SH3KBP1: variants seen among roughly 807,000 people sequenced by gnomAD.
SH3KBP1 encodes SH3 domain-containing kinase-binding protein 1.
A neutral mutation model predicts 50.1 loss-of-function variants in SH3KBP1; 8 were observed. The observed-to-expected ratio is 0.16, with a 90% CI of 0.09 to 0.29. The LOEUF is 0.29. SH3KBP1 is among the 10% of genes least tolerant of loss of function. SH3KBP1 has a pLI of 1.00. For missense variants in SH3KBP1, 377 were observed against 535.2 expected, an observed-to-expected ratio of 0.70 and a Z score of 2.92; for synonymous variants, 227 against 218.6, an observed-to-expected ratio of 1.04 and a Z score of -0.34.
At chrX:19,827,781 C>CTTTTTTTTTT (rs138898288) in intron 2 of SH3KBP1, among the ~76,000 whole-genome samples, 1 of 36,224 alleles carries the variant, frequency 2.8e-5, no homozygotes, top group Non-Finnish European at 5.0e-5. Flanking sequence ...GAAGTGCAGT[C>CTTTTTTTTTT]TTTTTTTTTT....
At chrX:19,695,847 G>C (rs919579004) in intron 4 of SH3KBP1, 106 bp from the exon 5 acceptor site, 52 of 722,810 alleles carry the variant, frequency 7.2e-5, no homozygotes, top group Non-Finnish European at 1.0e-4. Flanking sequence ...AGCCCACACA[G>C]GGAGACTGAA....
intron 2 of SH3KBP1, among the ~76,000 whole-genome samples, chrX:19,817,650 T>C (rs12010807): frequency 0.029 from 3,252 of 111,878 alleles, 119 homozygotes; most frequent in African/African-American, 0.1. Flanking sequence ...TGTTTTTGTT[T>C]TTTTGAGACA....
intron 6 of SH3KBP1, among the ~76,000 whole-genome samples, chrX:19,673,808 C>T (rs1602959006): frequency 9.0e-6 from 1 of 111,291 alleles, no homozygotes; most frequent in Non-Finnish European, 1.9e-5. Context: ...GGAAGAGGCA[C>T]CACCTCCCCT....
At chrX:19,599,876 G>A (rs745995029) in intron 9 of SH3KBP1, among the ~76,000 whole-genome samples, 8 of 110,884 alleles carry the variant, frequency 7.2e-5, no homozygotes, top group African/African-American at 1.3e-4. Context: ...CGCCAGGCGC[G>A]GTGGCTCACG....
chrX:19,562,493 T>C (rs747965801), intron 13 of SH3KBP1, among the ~76,000 whole-genome samples: 1 of 111,749 alleles, frequency 8.9e-6, no homozygotes, highest in East Asian at 2.8e-4. Flanking sequence ...AGTCTCTTTG[T>C]TCTATGAGAC....
Position 19,542,110 on chromosome X carries a change from C to T in SH3KBP1, c.1707G>A (p.Ala569=), listed in dbSNP as rs746570736. ...GGGGPAPLSS[A]APSPLSSSLG... ...AAGAGGATGACAGGGGGGAGGGCGC[C>T]GCTGAGGACAGAGGGGCTGGCCCAC... The change falls in exon 16 of 18, where the codon GCG becomes GCA. Residue 569 remains alanine (A), a synonymous_variant. Transcript: ENST00000397821. 1.7e-5 allele frequency: 21 copies of T among 1,208,379 alleles called. No homozygotes were observed. The highest frequency in any genetic ancestry group is 4.4e-5 in the Admixed American group (2 of 45,659).
At chrX:19,698,262 C>T (rs987268634) in intron 4 of SH3KBP1, among the ~76,000 whole-genome samples, 1 of 111,834 alleles carries the variant, frequency 8.9e-6, no homozygotes, top group Admixed American at 9.5e-5. Flanking sequence ...GGCATAATCC[C>T]CAACAGCACG....
At chrX:19,675,548 G>A (rs1022174825) in intron 6 of SH3KBP1, among the ~76,000 whole-genome samples, 1 of 110,760 alleles carries the variant, frequency 9.0e-6, no homozygotes, top group African/African-American at 3.3e-5. Flanking sequence ...GGGACTACAG[G>A]CGCATGCTAC....
intron 9 of SH3KBP1, among the ~76,000 whole-genome samples, chrX:19,599,210 G>T (rs1329848995): frequency 3.6e-5 from 4 of 110,747 alleles, no homozygotes; most frequent in Admixed American, 1.9e-4. Context: ...TTACCCCAGC[G>T]ACCTTGCCTC....
At chrX:19,595,097 CA>C in intron 9 of SH3KBP1, 97 bp from the exon 10 acceptor site, 1 of 641,911 alleles carries the variant, frequency 1.6e-6, no homozygotes, top group African/African-American at 2.2e-5. Flanking sequence ...GCAGTTTGGA[CA>C]ATTTAGAGAA....
intron 4 of SH3KBP1, among the ~76,000 whole-genome samples, chrX:19,703,696 CTG>C (rs56915755): frequency 0.1 from 6,470 of 63,256 alleles, 295 homozygotes; most frequent in Middle Eastern, 0.15. Context: ...AAAAGAGAAA[CTG>C]TGTGTGTGTG....
At chrX:19,844,428 C>T (rs745773510) in intron 1 of SH3KBP1, among the ~76,000 whole-genome samples, 3 of 112,291 alleles carry the variant, frequency 2.7e-5, no homozygotes, top group African/African-American at 9.7e-5. Context: ...TGTTATTTAA[C>T]TTGAAGGCTA....
At chrX:19,789,803 G>T (rs759429531) in intron 2 of SH3KBP1, among the ~76,000 whole-genome samples, 4 of 109,939 alleles carry the variant, frequency 3.6e-5, no homozygotes, top group Non-Finnish European at 7.6e-5. Context: ...AGAACTATTT[G>T]ACCCCAGAGG....
At chrX:19,590,689 G>A (rs1294785553) in intron 11 of SH3KBP1, among the ~76,000 whole-genome samples, 1 of 107,084 alleles carries the variant, frequency 9.3e-6, no homozygotes, top group Non-Finnish European at 1.9e-5. Flanking sequence ...TGTTGCTCAG[G>A]CTGGAGTACA....
intron 1 of SH3KBP1, among the ~76,000 whole-genome samples, chrX:19,840,136 TTTG>T (rs2147447812): frequency 8.9e-6 from 1 of 112,181 alleles, no homozygotes; most frequent in African/African-American, 3.2e-5. Context: ...AACCTGTGGC[TTTG>T]TTAAGAGCTC....
intron 1 of SH3KBP1, among the ~76,000 whole-genome samples, chrX:19,856,951 CTTTTTTTTTTTTTTTTTTT>C (rs758486199): frequency 1.0e-4 from 2 of 20,040 alleles, no homozygotes; most frequent in Admixed American, 2.2e-3. Flanking sequence ...TAATACTAGT[CTTTTTTTTTTTTTTTTTTT>C]TTTTTTTTTT....
In SH3KBP1 at chrX:19,690,606, A is replaced by G. The variant is rs143519671; in HGVS notation, c.520+5006T>C. 2.7e-3 allele frequency among the ~76,000 whole-genome samples: 308 copies of G among 112,497 alleles called. 4 individuals are homozygous for G. The highest frequency in any genetic ancestry group is 0.025 in the Admixed American group (266 of 10,611). On this transcript the variant is annotated intron_variant, in intron 5 of 17. Coordinates refer to ENST00000397821, the MANE Select transcript of SH3KBP1 (RefSeq NM_031892.3). ...TACAACTATTATTTGAAAGCAAATA[A>G]TATCAAAGGATGTGAAAGAAAAGAC...
intron 6 of SH3KBP1, among the ~76,000 whole-genome samples, chrX:19,646,880 A>C (rs2062004209): frequency 8.9e-6 from 1 of 112,234 alleles, no homozygotes; most frequent in Non-Finnish European, 1.9e-5. Flanking sequence ...AACCAAAATA[A>C]TATGCCACCT....
At chrX:19,562,666 G>A (rs1218606478) in intron 13 of SH3KBP1, among the ~76,000 whole-genome samples, 1 of 111,228 alleles carries the variant, frequency 9.0e-6, no homozygotes, top group Non-Finnish European at 1.9e-5. Flanking sequence ...TGGCCACAGA[G>A]ATGCAGGCGA....
Sources: gnomAD v4.1 joint callset for allele counts (sites outside exome capture counted in the v4.1 genomes callset) on GRCh38, gnomAD v4.1.1 for gene constraint, MANE v1.5 for transcripts, NCBI Gene and HGNC (gene_info 2026-07-23, HGNC 2026-07-21) for gene names.